The following ST3GAL2 variants were observed in gnomAD, a reference collection of about 807,000 sequenced individuals.
ST3GAL2 encodes the protein ST3 beta-galactoside alpha-2,3-sialyltransferase 2, also known as CMP-N-acetylneuraminate-beta-galactosamide-alpha-2,3-sialyltransferase 2.
Under a neutral mutation model 37.5 loss-of-function variants are expected in ST3GAL2, and 16 were observed. That is an observed-to-expected ratio of 0.43 (90% CI 0.29 to 0.65). The LOEUF (loss-of-function observed/expected upper bound fraction) is 0.65. ST3GAL2 is among the 30% of genes least tolerant of loss of function. The pLI is 0.17. For synonymous variants in ST3GAL2, 238 were observed against 202.9 expected (o/e 1.17, Z -1.47); for missense variants, 383 against 487.8 (o/e 0.79, Z 2.02).
intron 1 of ST3GAL2, chr16:70,400,677 C>A (rs1289011331): frequency 6.6e-6 from 1 of 152,244 alleles, no homozygotes; most frequent in Non-Finnish European, 1.5e-5. Context: ...ATGATGTTCA[C>A]AAAAGTACAA....
intron 1 of ST3GAL2, among the ~76,000 whole-genome samples, chr16:70,418,987 A>T (rs935738696): frequency 2.0e-5 from 3 of 152,126 alleles, no homozygotes; most frequent in Non-Finnish European, 2.9e-5. Context: ...GCTCTCCTAA[A>T]GGGCCCAACC....
rs1486491892 is a variant in ST3GAL2 at position 70,388,076 on chromosome 16, C to T, written c.713+291G>A. The stretch of plus-strand genomic sequence containing the variant: ...GCAGTGAGCCAAGATCGCGCCATTG[C>T]ACCCCGGCCTGGGCAACAAGAGCGA... On this transcript the variant is annotated intron_variant, in intron 4 of 6. Transcript: ENST00000342907. Among the ~76,000 whole-genome samples, 11 of 151,144 alleles carry T rather than the reference C, an allele frequency of 7.3e-5. No homozygotes were observed. The South Asian group carries it at 1.5e-3, about 20-fold the overall frequency.
chr16:70,414,599 G>A (rs1464673033), intron 1 of ST3GAL2, among the ~76,000 whole-genome samples: 1 of 152,210 alleles, frequency 6.6e-6, no homozygotes, highest in African/African-American at 2.4e-5. Context: ...CGGAACAATT[G>A]ATTCAGGAGC....
At chr16:70,407,975 G>C (rs1022817760) in intron 1 of ST3GAL2, among the ~76,000 whole-genome samples, 5 of 152,040 alleles carry the variant, frequency 3.3e-5, no homozygotes, top group African/African-American at 1.2e-4. Context: ...CCTCTGGGAG[G>C]GAGAGGAGAA....
At chr16:70,419,486 T>C (rs2047699391) in intron 1 of ST3GAL2, among the ~76,000 whole-genome samples, 1 of 152,192 alleles carries the variant, frequency 6.6e-6, no homozygotes, top group African/African-American at 2.4e-5. Flanking sequence ...GTGGAGTCAC[T>C]GCATAGGCAC....
At chr16:70,410,926 T>C (rs2047634290) in intron 1 of ST3GAL2, among the ~76,000 whole-genome samples, 1 of 151,470 alleles carries the variant, frequency 6.6e-6, no homozygotes, top group African/African-American at 2.4e-5. Context: ...TTTGGGCAGC[T>C]AAGGACCCAG....
At position 70,380,397 on chromosome 16, in the gene ST3GAL2, G is replaced by A. The variant is rs1445022356; in HGVS notation, c.*1292C>T. On this transcript the variant is annotated 3_prime_UTR_variant, in exon 7 of 7. Transcript: ENST00000342907. ...CTGTTGGGGAGGGGGCTCTATTAGT[G>A]GTTTGAGAGCTTCACAGAAGCCTTC... 1 of 152,244 alleles carries A rather than the reference G, an allele frequency of 6.6e-6. No individual in the cohort carries two copies. The highest frequency in any genetic ancestry group is 1.5e-5 in the Non-Finnish European group (1 of 68,078). The allele number at this position is 152,244 out of a possible 1,614,324, so 9.4% of individuals were successfully genotyped here.
At chr16:70,383,002 T>A in intron 5 of ST3GAL2, 78 bp from the exon 6 acceptor site, 1 of 1,588,440 alleles carries the variant, frequency 6.3e-7, no homozygotes. Flanking sequence ...CTTCTACTTG[T>A]CTATGCCTGT....
Position 70,438,984 on chromosome 16 carries a change from G to C in ST3GAL2, c.-1039C>G, listed in dbSNP as rs1272860508. On this transcript the variant is annotated 5_prime_UTR_variant, in exon 1 of 7. Coordinates refer to ENST00000342907, the MANE Select transcript of ST3GAL2 (RefSeq NM_006927.4). ...GCCCGGCGCCGCGCGGGCCATGCTCGCCGCTCCGGCCGCCGCCGCCGCCCG... is the reference window on the plus strand; with the variant it reads ...GCCCGGCGCCGCGCGGGCCATGCTCCCCGCTCCGGCCGCCGCCGCCGCCCG... The C allele has an allele frequency of 1.3e-5, 2 of 152,714 alleles. No homozygotes were observed. Among genetic ancestry groups the C allele is most frequent in the Non-Finnish European group, 2.7e-5 (2 of 72,846 alleles). The allele number at this position is 152,714 out of a possible 1,614,324, so 9.5% of individuals were successfully genotyped here.
At chr16:70,396,027 A>G (rs1320052408) in intron 2 of ST3GAL2, among the ~76,000 whole-genome samples, 1 of 150,754 alleles carries the variant, frequency 6.6e-6, no homozygotes, top group Non-Finnish European at 1.5e-5. Flanking sequence ...GCTGGAGTGC[A>G]ATGGCGCGAT....
intron 1 of ST3GAL2, among the ~76,000 whole-genome samples, chr16:70,410,545 G>T (rs118077225): frequency 6.6e-6 from 1 of 151,520 alleles, no homozygotes; most frequent in East Asian, 1.9e-4. Flanking sequence ...GAGCCAACAC[G>T]CCCGGCCAAC....
At chr16:70,403,956 T>C (rs763272065) in intron 1 of ST3GAL2, among the ~76,000 whole-genome samples, 1 of 151,682 alleles carries the variant, frequency 6.6e-6, no homozygotes. Flanking sequence ...GATCATGCCA[T>C]GGCACTCCAG....
At chr16:70,412,839 G>A (rs1296559825) in intron 1 of ST3GAL2, among the ~76,000 whole-genome samples, 1 of 151,922 alleles carries the variant, frequency 6.6e-6, no homozygotes, top group African/African-American at 2.4e-5. Context: ...TTGAGCTCAG[G>A]AGTTCGAGAC....
intron 4 of ST3GAL2, among the ~76,000 whole-genome samples, chr16:70,384,038 C>G (rs1313349938): frequency 6.6e-6 from 1 of 152,032 alleles, no homozygotes; most frequent in South Asian, 2.1e-4. Flanking sequence ...CCACGGCCCC[C>G]GTAACCTACA....
intron 1 of ST3GAL2, among the ~76,000 whole-genome samples, chr16:70,416,990 G>A (rs182619192): frequency 2.2e-4 from 34 of 152,266 alleles, no homozygotes; most frequent in African/African-American, 3.4e-4. Context: ...CGTTCACCTC[G>A]GCTCAAAGCA....
chr16:70,399,517 G>T lies in ST3GAL2; in HGVS notation c.-987C>A. 5.0e-6 allele frequency: 2 copies of T among 398,302 alleles called. No homozygotes were observed. Among genetic ancestry groups the T allele is most frequent in the Non-Finnish European group, 8.8e-6 (2 of 226,166 alleles). 24.7% of individuals were successfully genotyped at this position (398,302 alleles called of 1,614,324 possible). On this transcript the variant is annotated 5_prime_UTR_variant, in exon 2 of 7. Transcript: ENST00000342907. ...TTCCCCTTCACATGTCGGGCGCCAG[G>T]CTGCCGCAGCACGACCCTAGAATGG...
At chr16:70,394,591 T>C (rs1410132803) in intron 3 of ST3GAL2, among the ~76,000 whole-genome samples, 1 of 152,192 alleles carries the variant, frequency 6.6e-6, no homozygotes, top group Non-Finnish European at 1.5e-5. Flanking sequence ...TTACCTAGGC[T>C]GGTCTCTAAC....
At chr16:70,387,036 C>G (rs2047448199) in intron 4 of ST3GAL2, among the ~76,000 whole-genome samples, 1 of 151,956 alleles carries the variant, frequency 6.6e-6, no homozygotes, top group Admixed American at 6.6e-5. Flanking sequence ...AGCAGATCAT[C>G]TGAGCTCAGA....
chr16:70,415,765 T>C (rs973404250), intron 1 of ST3GAL2, among the ~76,000 whole-genome samples: 11 of 127,652 alleles, frequency 8.6e-5, no homozygotes, highest in African/African-American at 4.6e-4. Flanking sequence ...CAAGATTCTT[T>C]TTTTTTTTTT....
Sources: gnomAD v4.1 joint callset for allele counts (sites outside exome capture counted in the v4.1 genomes callset) on GRCh38, gnomAD v4.1.1 for gene constraint, MANE v1.5 for transcripts, NCBI Gene and HGNC (gene_info 2026-07-23, HGNC 2026-07-21) for gene names.